CDH9: variants seen among roughly 807,000 people sequenced by gnomAD.
CDH9 encodes cadherin-9.
Under a neutral mutation model 70.9 loss-of-function variants are expected in CDH9, and 28 were observed. The observed-to-expected ratio is 0.40, with a 90% CI of 0.29 to 0.54. The LOEUF is 0.54. Among genes scored for constraint, CDH9 ranks in the 20% least tolerant of loss-of-function variants. The pLI is 0.59. For missense variants in CDH9, 874 were observed against 984.4 expected (o/e 0.89, Z 1.50); for synonymous variants, 409 against 343.1 (o/e 1.19, Z -2.12).
chr5:26,919,681 A>T (rs2112010116), intron 2 of CDH9, among the ~76,000 whole-genome samples: 1 of 152,142 alleles, frequency 6.6e-6, no homozygotes, highest in African/African-American at 2.4e-5. Flanking sequence ...GCTTGAAAAT[A>T]GGAGGTGGGA....
chr5:26,985,918 T>C (rs1333676140), intron 2 of CDH9, among the ~76,000 whole-genome samples: 1 of 152,000 alleles, frequency 6.6e-6, no homozygotes, highest in Non-Finnish European at 1.5e-5. Context: ...TGCAAATAAA[T>C]AGTGATGTCA....
At chr5:26,925,037 C>G (rs1280593819) in intron 2 of CDH9, among the ~76,000 whole-genome samples, 1 of 152,100 alleles carries the variant, frequency 6.6e-6, no homozygotes, top group African/African-American at 2.4e-5. Flanking sequence ...TTTGTAGTAG[C>G]ATGATTTATA....
intron 2 of CDH9, among the ~76,000 whole-genome samples, chr5:26,942,452 G>A (rs143364709): frequency 3.6e-4 from 55 of 152,084 alleles, no homozygotes; most frequent in African/African-American, 1.1e-3. Flanking sequence ...CCCTCTTAAC[G>A]GCCCCACATT....
intron 2 of CDH9, among the ~76,000 whole-genome samples, chr5:26,966,857 A>G (rs1399910750): frequency 6.6e-6 from 1 of 152,024 alleles, no homozygotes; most frequent in South Asian, 2.1e-4. Context: ...TCTATCTTCT[A>G]TTGACTTGTC....
Position 26,999,014 on chromosome 5 carries a change from A to C in CDH9, c.-49-10632T>G, listed in dbSNP as rs1217625991. Among the ~76,000 whole-genome samples, 71 of 152,094 alleles carry C rather than the reference A, an allele frequency of 4.7e-4. 1 individual carries two copies. The highest frequency in any genetic ancestry group is 4.5e-3 in the Admixed American group (69 of 15,270). ...GTAATCCCAGCACTTTGAGAGGCTG[A>C]GGTGGGCAGATCAAGAGGCCAGGAG... is the stretch of plus-strand genomic sequence containing the variant. On this transcript the variant is annotated intron_variant, in intron 1 of 11. Transcript: ENST00000231021.
chr5:26,886,198 A>C, intron 9 of CDH9, 115 bp from the exon 10 acceptor site: 1 of 1,223,462 alleles, frequency 8.2e-7, no homozygotes, highest in African/African-American at 1.6e-5. Flanking sequence ...ACAAAGCAAG[A>C]AAACAAAATA....
chr5:26,987,834 A>T lies in CDH9; in HGVS notation c.228+272T>A, dbSNP rs370765583. ...AAGGAGAGTTTTATTTAGATAATAC[A>T]CATATGATTAAATAATATCTAGCTG... On this transcript the variant is annotated intron_variant, in intron 2 of 11. Transcript: ENST00000231021. Among the ~76,000 whole-genome samples, 17 of 152,206 alleles carry T rather than the reference A, an allele frequency of 1.1e-4. No homozygotes were observed. In the East Asian group the frequency reaches 1.5e-3, roughly 14 times the overall value.
chr5:27,032,791 A>T (rs989307203), intron 1 of CDH9, among the ~76,000 whole-genome samples: 1 of 151,542 alleles, frequency 6.6e-6, no homozygotes, highest in Non-Finnish European at 1.5e-5. Flanking sequence ...GAAATACAAC[A>T]AACATTTAAT....
chr5:26,909,840 T>G (rs1340473040), intron 3 of CDH9, among the ~76,000 whole-genome samples: 1 of 151,972 alleles, frequency 6.6e-6, no homozygotes, highest in African/African-American at 2.4e-5. Context: ...TCTATAATAG[T>G]AAATCATGAA....
chr5:26,896,178 G>A lies in CDH9; in HGVS notation c.1254-5614C>T, dbSNP rs116451924. The stretch of plus-strand genomic sequence containing the variant: ...TACCCTATACAAAACAAAGATTTCC[G>A]GATGACCTTTAAACTGAACTTTTTT... On this transcript the variant is annotated intron_variant, in intron 7 of 11. Transcript: ENST00000231021. Among the ~76,000 whole-genome samples the A allele has an allele frequency of 4.9e-3, 748 of 151,978 alleles. 6 individuals carry two copies. Among genetic ancestry groups the A allele is most frequent in the South Asian group, 8.9e-3 (43 of 4,818 alleles).
chr5:27,002,566 T>C (rs1410213190), intron 1 of CDH9, among the ~76,000 whole-genome samples: 2 of 151,774 alleles, frequency 1.3e-5, no homozygotes, highest in Non-Finnish European at 2.9e-5. Flanking sequence ...GTGGCACATA[T>C]ACACCATGGA....
At chr5:26,923,752 C>A (rs187255947) in intron 2 of CDH9, among the ~76,000 whole-genome samples, 1 of 152,054 alleles carries the variant, frequency 6.6e-6, no homozygotes, top group Non-Finnish European at 1.5e-5. Flanking sequence ...AACTCAAACA[C>A]ATGAGGAATT....
intron 2 of CDH9, among the ~76,000 whole-genome samples, chr5:26,956,682 A>G (rs1477960971): frequency 6.6e-6 from 1 of 152,126 alleles, no homozygotes; most frequent in African/African-American, 2.4e-5. Flanking sequence ...CCACCATGGC[A>G]TGACACAGAG....
Position 26,960,127 on chromosome 5 carries a change from C to T in CDH9, c.228+27979G>A, listed in dbSNP as rs185063849. Among the ~76,000 whole-genome samples, 13 of 151,922 alleles carry T rather than the reference C, an allele frequency of 8.6e-5. No individual in the cohort carries two copies. The East Asian group carries it at 2.5e-3, about 29-fold the overall frequency. ...AAATACTATGTAAACAGAAGACATC[C>T]TAAATGTTTTCAGAGAGAAAAAAAC... On this transcript the variant is annotated intron_variant, in intron 2 of 11. Coordinates refer to ENST00000231021, the MANE Select transcript of CDH9 (RefSeq NM_016279.4).
intron 3 of CDH9, among the ~76,000 whole-genome samples, chr5:26,909,493 C>T (rs1741010141): frequency 6.7e-6 from 1 of 149,836 alleles, no homozygotes; most frequent in South Asian, 2.1e-4. Flanking sequence ...TATATTGCAT[C>T]TCATATCAAA....
At chr5:26,986,310 A>C (rs1043138873) in intron 2 of CDH9, among the ~76,000 whole-genome samples, 6 of 152,052 alleles carry the variant, frequency 3.9e-5, no homozygotes, top group African/African-American at 1.4e-4. Flanking sequence ...TCCACGCATA[A>C]ATCCAAAATG....
At chr5:26,963,482 C>G (rs529938972) in intron 2 of CDH9, among the ~76,000 whole-genome samples, 34 of 151,918 alleles carry the variant, frequency 2.2e-4, no homozygotes, top group African/African-American at 8.0e-4. Context: ...GATATTTCAG[C>G]CCATCGAGAA....
At chr5:27,000,923 A>G (rs1593973) in intron 1 of CDH9, among the ~76,000 whole-genome samples, 14,436 of 152,190 alleles carry the variant, frequency 0.095, 922 homozygotes, top group South Asian at 0.14. Context: ...AACTTTGCAT[A>G]TAGTAAAAGA....
intron 1 of CDH9, among the ~76,000 whole-genome samples, chr5:27,002,395 T>C (rs886477549): frequency 6.6e-6 from 1 of 152,080 alleles, no homozygotes; most frequent in Non-Finnish European, 1.5e-5. Context: ...AGAAATACTA[T>C]TTGACCCAGC....
Sources: allele counts gnomAD v4.1 joint callset (sites outside exome capture counted in the v4.1 genomes callset), GRCh38; gene constraint gnomAD v4.1.1; transcripts MANE v1.5; gene names NCBI Gene and HGNC (gene_info 2026-07-23, HGNC 2026-07-21).